Variants in COL6A6 observed in about 807,000 individuals in gnomAD.
COL6A6 encodes the protein collagen alpha-6(VI) chain.
COL6A6 carries 183 observed loss-of-function variants against 208.6 expected under a neutral mutation model. That is an observed-to-expected ratio of 0.88 (90% CI 0.78 to 0.99). The LOEUF (loss-of-function observed/expected upper bound fraction) is 0.99. COL6A6 is among the 50% of genes least tolerant of loss of function. The probability of loss-of-function intolerance (pLI) is 0.00; values close to 1 mark genes in which losing one functional copy is unlikely to be tolerated. For missense variants in COL6A6, 2,816 were observed against 2,815.2 expected, an observed-to-expected ratio of 1.00 and a Z score of -0.01; for synonymous variants, 973 against 1,011.8, an observed-to-expected ratio of 0.96 and a Z score of 0.73.
At chr3:130,594,411 G>A (rs768150805) in intron 18 of COL6A6, 68 bp downstream of exon 18, 22 of 1,223,448 alleles carry the variant, frequency 1.8e-5, no homozygotes, top group African/African-American at 1.2e-4. Flanking sequence ...AGGGAGTCTC[G>A]ATTTCAAGGT....
At chr3:130,653,851 T>G (rs1261930747) in intron 33 of COL6A6, among the ~76,000 whole-genome samples, 1 of 151,946 alleles carries the variant, frequency 6.6e-6, no homozygotes, top group Non-Finnish European at 1.5e-5. Flanking sequence ...TGGGTGAGAG[T>G]GCAGACCCCC....
chr3:130,627,120 A>G (rs1040666217), intron 25 of COL6A6, among the ~76,000 whole-genome samples, 199 bp from the exon 26 acceptor site: 3 of 152,188 alleles, frequency 2.0e-5, no homozygotes, highest in Non-Finnish European at 4.4e-5. Flanking sequence ...ACCTAGGGAC[A>G]GTGCATTGTC....
intron 19 of COL6A6, 98 bp from the exon 20 acceptor site, chr3:130,599,659 G>A: frequency 1.7e-6 from 2 of 1,205,688 alleles, no homozygotes; most frequent in South Asian, 1.3e-5. Context: ...ATTGGTGTGT[G>A]AACCTATCTA....
rs887023010 is a variant in COL6A6 at position 130,676,618 on chromosome 3, C to A, written c.*1221C>A. On this transcript the variant is annotated 3_prime_UTR_variant, in exon 37 of 37. Coordinates refer to ENST00000358511, the MANE Select transcript of COL6A6 (RefSeq NM_001102608.3). ...GCATGGAGCAGATGGATACTGACAC[C>A]AAGGACATTCAGATTTTCTTTCCTA... is the stretch of plus-strand genomic sequence containing the variant. 1 of 152,166 alleles carries A rather than the reference C, an allele frequency of 6.6e-6. No homozygotes were observed. Among genetic ancestry groups the A allele is most frequent in the East Asian group, 1.9e-4 (1 of 5,204 alleles). 9.4% of individuals were successfully genotyped at this position (152,166 alleles called of 1,614,324 possible).
intron 1 of COL6A6, among the ~76,000 whole-genome samples, chr3:130,539,009 G>T (rs1421443564): frequency 6.6e-6 from 1 of 152,152 alleles, no homozygotes; most frequent in Non-Finnish European, 1.5e-5. Context: ...ACACATTCAT[G>T]GGGTGGCCCC....
In COL6A6 at chr3:130,579,478, C is replaced by T. The variant is rs186036791; in HGVS notation, c.3548-2083C>T. Among the ~76,000 whole-genome samples, 5 of 152,220 alleles carry T rather than the reference C, an allele frequency of 3.3e-5. No individual in the cohort carries two copies. The East Asian group carries it at 9.7e-4, about 29-fold the overall frequency. On this transcript the variant is annotated intron_variant, in intron 8 of 36. Coordinates refer to ENST00000358511, the MANE Select transcript of COL6A6 (RefSeq NM_001102608.3). The stretch of plus-strand genomic sequence containing the variant: ...TCTGTCTTCCCACTCACAGACTTGC[C>T]CCCCAGGATTCCACATTGCTATTTG...
At chr3:130,547,036 C>G (rs2062523579) in intron 1 of COL6A6, among the ~76,000 whole-genome samples, 1 of 152,220 alleles carries the variant, frequency 6.6e-6, no homozygotes, top group Non-Finnish European at 1.5e-5. Flanking sequence ...GCAGGTGGAG[C>G]TGCCCGCCAG....
intron 2 of COL6A6, among the ~76,000 whole-genome samples, chr3:130,561,874 G>A (rs944777613): frequency 6.0e-5 from 9 of 151,208 alleles, no homozygotes; most frequent in African/African-American, 1.9e-4. Flanking sequence ...GGATGGTCTC[G>A]ATCTCCTGAC....
At chr3:130,540,065 A>T (rs1216021541) in intron 1 of COL6A6, among the ~76,000 whole-genome samples, 1 of 152,200 alleles carries the variant, frequency 6.6e-6, no homozygotes, top group East Asian at 1.9e-4. Context: ...CCACATGAAA[A>T]CTGGAATGTT....
intron 8 of COL6A6, among the ~76,000 whole-genome samples, chr3:130,580,519 G>A (rs530778346): frequency 9.2e-5 from 14 of 152,326 alleles, no homozygotes; most frequent in Non-Finnish European, 1.9e-4. Flanking sequence ...TGACCAGTGT[G>A]TCTGGGAAGT....
chr3:130,646,092 GA>G (rs2065454833), intron 32 of COL6A6, among the ~76,000 whole-genome samples: 1 of 152,268 alleles, frequency 6.6e-6, no homozygotes, highest in East Asian at 1.9e-4. Context: ...GGTGCTATTT[GA>G]AAGAGATAAC....
rs367724495 is a variant in COL6A6 at position 130,641,701 on chromosome 3, C to G, written c.5141C>G (p.Pro1714Arg). 6.9e-6 allele frequency: 11 copies of G among 1,594,076 alleles called. No individual in the cohort carries two copies. The highest frequency in any genetic ancestry group is 9.5e-6 in the Non-Finnish European group (11 of 1,163,502). Residue 1714 changes from proline to arginine, a missense_variant, in exon 29 of 37, where the codon CCT becomes CGT. By Grantham distance (103) the Pro-to-Arg change is moderately radical (BLOSUM62 -2). Coordinates refer to ENST00000358511, the MANE Select transcript of COL6A6 (RefSeq NM_001102608.3). ...ATGGGATCCCCTGGGGAACCAGGAC[C>G]TCCTGGACGTAAGGTAAGTAGAAAA... is the stretch of plus-strand genomic sequence containing the variant. Reference protein sequence around the residue: ...GEMGSPGEPGPPGRKGVKGAK... With the variant: ...GEMGSPGEPGRPGRKGVKGAK...
chr3:130,571,937 C>A (rs1333508959), intron 7 of COL6A6, among the ~76,000 whole-genome samples: 1 of 149,324 alleles, frequency 6.7e-6, no homozygotes, highest in African/African-American at 2.5e-5. Context: ...CCCCCCTTGG[C>A]CTCCCAAAGT....
intron 36 of COL6A6, among the ~76,000 whole-genome samples, chr3:130,666,334 TG>T (rs2066074007): frequency 6.6e-6 from 1 of 152,242 alleles, no homozygotes; most frequent in Admixed American, 6.5e-5. Context: ...AGTAGTATCA[TG>T]TTTTTATAAG....
chr3:130,640,589 A>G (rs922305311), intron 28 of COL6A6, among the ~76,000 whole-genome samples: 2 of 152,234 alleles, frequency 1.3e-5, no homozygotes, highest in African/African-American at 4.8e-5. Context: ...TTACAAATTA[A>G]GTTGATTTTA....
chr3:130,643,143 A>G, intron 31 of COL6A6, 120 bp downstream of exon 31: 3 of 1,072,722 alleles, frequency 2.8e-6, no homozygotes, highest in Non-Finnish European at 4.2e-6. Flanking sequence ...ATGTCACTGC[A>G]TGTATTTTTG....
chr3:130,635,709 GGGACCCT>G lies in COL6A6; in HGVS notation c.5042_5048del (p.Asp1681ValfsTer8). On this transcript the variant is annotated frameshift_variant, in exon 28 of 37. Transcript: ENST00000358511. LOFTEE classifies it high-confidence loss of function. ...AATAAATGTATTTAGGGTGAGATTG[GGGACCCT>G]GGTGGTCCAGGAGAGACTGGGCTGA... is the stretch of plus-strand genomic sequence containing the variant. The G allele has an allele frequency of 6.2e-7, 1 of 1,608,648 alleles. No individual in the cohort carries two copies. The highest frequency in any genetic ancestry group is 1.1e-5 in the South Asian group (1 of 90,732).
rs1158953416 is a variant in COL6A6, at chr3:130,621,756, CAG to C, written c.4816-62_4816-61del. 133 of 1,372,452 alleles carry C rather than the reference CAG, an allele frequency of 9.7e-5. 1 individual carries two copies. Among genetic ancestry groups the C allele is most frequent in the Non-Finnish European group, 1.3e-4 (129 of 964,486 alleles). 85.0% of individuals were successfully genotyped at this position (1,372,452 alleles called of 1,614,324 possible). A position where few individuals can be genotyped will look rare whatever the true frequency, so the allele number is the denominator to read the frequency against. ...TGTGGTTCACTTTCCTCTTATAAGACAGAGGGTTTGAAGAAAAGTTGCTTTAT... is the reference window on the plus strand; with the variant it reads ...TGTGGTTCACTTTCCTCTTATAAGACAGGGTTTGAAGAAAAGTTGCTTTAT... On this transcript the variant is annotated intron_variant, in intron 23 of 36. Transcript: ENST00000358511.
At chr3:130,555,382 C>T (rs966231033) in intron 1 of COL6A6, among the ~76,000 whole-genome samples, 7 of 152,200 alleles carry the variant, frequency 4.6e-5, no homozygotes, top group African/African-American at 1.7e-4. Flanking sequence ...AGCCCCAGAT[C>T]TGTGTCCTCC....
Sources: gnomAD v4.1 joint callset for allele counts (sites outside exome capture counted in the v4.1 genomes callset) on GRCh38, gnomAD v4.1.1 for gene constraint, MANE v1.5 for transcripts, NCBI Gene and HGNC (gene_info 2026-07-23, HGNC 2026-07-21) for gene names.